NBAS: variants seen among roughly 807,000 people sequenced by gnomAD.
NBAS encodes NAG/BC035112 fusion.
Under a neutral mutation model 302.5 loss-of-function variants are expected in NBAS, and 219 were observed. The observed-to-expected ratio is 0.72, with a 90% CI of 0.65 to 0.81. The LOEUF (loss-of-function observed/expected upper bound fraction) is 0.81, where lower values mean the gene tolerates loss of function less well. NBAS is among the 30% of genes least tolerant of loss of function. The probability of loss-of-function intolerance (pLI) is 0.00; values close to 1 mark genes in which losing one functional copy is unlikely to be tolerated. For missense variants in NBAS, 2,932 were observed against 2,841.6 expected (o/e 1.03, Z -0.72); for synonymous variants, 1,118 against 1,021.6 (o/e 1.09, Z -1.80).
intron 44 of NBAS, among the ~76,000 whole-genome samples, chr2:15,258,276 A>G (rs1416948934): frequency 6.6e-6 from 1 of 152,184 alleles, no homozygotes; most frequent in African/African-American, 2.4e-5. Context: ...AATTGATTGT[A>G]AAATGTGTGT....
chr2:15,140,142 G>A, the NBAS span, among the ~76,000 whole-genome samples: 1 of 152,216 alleles, frequency 6.6e-6, no homozygotes, highest in African/African-American at 2.4e-5. Flanking sequence ...GAGAGGCCAC[G>A]TGTAAGTGCC....
chr2:15,503,414 T>G (rs913270312), intron 11 of NBAS, among the ~76,000 whole-genome samples: 3 of 152,168 alleles, frequency 2.0e-5, no homozygotes, highest in Non-Finnish European at 2.9e-5. Context: ...TATCAGCAGG[T>G]CCTACAGGGA....
the NBAS span, among the ~76,000 whole-genome samples, chr2:14,956,827 A>G: frequency 1.3e-5 from 2 of 152,190 alleles, no homozygotes; most frequent in South Asian, 2.1e-4. Context: ...CAATTCAAGA[A>G]GAGATTTGGG....
the NBAS span, among the ~76,000 whole-genome samples, chr2:14,809,995 G>C: frequency 6.6e-6 from 1 of 152,316 alleles, no homozygotes; most frequent in South Asian, 2.1e-4. Context: ...CAGCCCCTTT[G>C]TTTTGGCCAA....
chr2:15,240,446 C>CAAAAAAAAAAAAA (rs1175235771), intron 44 of NBAS, among the ~76,000 whole-genome samples: 2 of 75,376 alleles, frequency 2.7e-5, no homozygotes, highest in African/African-American at 4.6e-5. Context: ...ACTAAAAATA[C>CAAAAAAAAAAAAA]AAAAAAAAAA....
the NBAS span, among the ~76,000 whole-genome samples, chr2:14,919,443 T>G: frequency 6.6e-6 from 1 of 152,314 alleles, no homozygotes; most frequent in South Asian, 2.1e-4. Flanking sequence ...AGGGTGGTAG[T>G]TGCTAAAGGC....
chr2:15,329,032 G>A (rs973108571), intron 36 of NBAS, among the ~76,000 whole-genome samples: 21 of 152,080 alleles, frequency 1.4e-4, no homozygotes, highest in African/African-American at 4.8e-4. Flanking sequence ...CCCACACACG[G>A]CTTTGAGACT....
At chr2:14,892,041 T>C in the NBAS span, among the ~76,000 whole-genome samples, 1 of 152,220 alleles carries the variant, frequency 6.6e-6, no homozygotes, top group Admixed American at 6.5e-5. Context: ...TTCCTTCCAC[T>C]GTTATTATGA....
the NBAS span, among the ~76,000 whole-genome samples, chr2:14,789,058 C>A: frequency 6.6e-6 from 1 of 152,230 alleles, no homozygotes; most frequent in East Asian, 1.9e-4. Context: ...CCCCCAGCCT[C>A]GCTGCCGCCT....
chr2:15,235,436 A>G (rs1475418882), intron 45 of NBAS, among the ~76,000 whole-genome samples: 3 of 152,180 alleles, frequency 2.0e-5, no homozygotes, highest in African/African-American at 7.2e-5. Context: ...AATAAGAGGG[A>G]AGCTATTGTT....
chr2:15,518,509 A>G (rs1662510318), intron 9 of NBAS, among the ~76,000 whole-genome samples: 1 of 152,192 alleles, frequency 6.6e-6, no homozygotes, highest in Non-Finnish European at 1.5e-5. Flanking sequence ...ATATTTTCAA[A>G]TTATCCTATG....
intron 29 of NBAS, among the ~76,000 whole-genome samples, chr2:15,380,931 C>CT (rs11421575): frequency 0.62 from 94,622 of 151,442 alleles, 30,279 homozygotes; most frequent in Middle Eastern, 0.68. Context: ...TTAGACAAGT[C>CT]TTGGTAAGAT....
the NBAS span, among the ~76,000 whole-genome samples, chr2:14,955,881 G>A: frequency 6.6e-6 from 1 of 152,150 alleles, no homozygotes; most frequent in East Asian, 1.9e-4. Flanking sequence ...ACATACCCTG[G>A]AGACATTTTC....
chr2:15,226,646 C>T (rs765246346), intron 47 of NBAS, among the ~76,000 whole-genome samples: 1 of 152,100 alleles, frequency 6.6e-6, no homozygotes, highest in African/African-American at 2.4e-5. Context: ...TGTCTAGAGG[C>T]AAGAACGTGG....
the NBAS span, among the ~76,000 whole-genome samples, chr2:15,152,506 G>A: frequency 6.6e-6 from 1 of 152,206 alleles, no homozygotes; most frequent in African/African-American, 2.4e-5. Context: ...GCCAATTGCA[G>A]CAGCCGAGTT....
intron 48 of NBAS, among the ~76,000 whole-genome samples, chr2:15,212,112 C>T (rs1282869008): frequency 1.3e-5 from 2 of 152,170 alleles, no homozygotes; most frequent in African/African-American, 4.8e-5. Flanking sequence ...ACACCAAGTC[C>T]ATGGATACTA....
downstream of NBAS, among the ~76,000 whole-genome samples, chr2:15,165,990 A>G (rs1029559310): frequency 6.6e-6 from 1 of 152,174 alleles, no homozygotes; most frequent in Non-Finnish European, 1.5e-5. Flanking sequence ...GTCACTCTGT[A>G]GGTGTGGATG....
chr2:15,424,321 A>G lies in NBAS; in HGVS notation c.2571T>C (p.Ala857=), dbSNP rs768868064. 6.2e-7 allele frequency: 1 copy of G among 1,614,062 alleles called. No homozygotes were observed. Among genetic ancestry groups the G allele is most frequent in the East Asian group, 2.2e-5 (1 of 44,876 alleles). ...QTRAEEIEHY[A]RQVDCALSLI... is the part of the protein sequence containing the mutation. Reference sequence around the variant, plus strand: ...AGCTGCCATTTCCCCTCACCTGCCGAGCATAATGCTCTATTTCCTCTGCTC... The same window carrying G: ...AGCTGCCATTTCCCCTCACCTGCCGGGCATAATGCTCTATTTCCTCTGCTC... Residue 857 remains alanine (A), a synonymous_variant, in exon 23 of 52, where the codon GCT becomes GCC. Coordinates refer to ENST00000281513, the MANE Select transcript of NBAS (RefSeq NM_015909.4).
intron 36 of NBAS, among the ~76,000 whole-genome samples, chr2:15,329,852 T>G (rs903379614): frequency 6.6e-6 from 1 of 152,214 alleles, no homozygotes; most frequent in Non-Finnish European, 1.5e-5. Flanking sequence ...TCCTCAGTAT[T>G]TACCCACCTT....
Sources: gnomAD v4.1 joint callset for allele counts (sites outside exome capture counted in the v4.1 genomes callset) on GRCh38, gnomAD v4.1.1 for gene constraint, MANE v1.5 for transcripts, NCBI Gene and HGNC (gene_info 2026-07-23, HGNC 2026-07-21) for gene names.